EYA1: variants seen among roughly 807,000 people sequenced by gnomAD.
EYA1 encodes the protein EYA transcriptional coactivator and phosphatase 1.
Under a neutral mutation model 82.0 loss-of-function variants are expected in EYA1, and 16 were observed. The ratio of observed to expected loss-of-function variants is 0.20; its 90% CI spans 0.13 to 0.30. The LOEUF is 0.30. EYA1 is among the 10% of genes least tolerant of loss of function. The pLI is 1.00. For missense variants in EYA1, 633 were observed against 730.7 expected, an observed-to-expected ratio of 0.87 and a Z score of 1.54; for synonymous variants, 261 against 264.4, an observed-to-expected ratio of 0.99 and a Z score of 0.12.
chr8:71,357,774 T>C (rs956492096), intron 1 of EYA1, among the ~76,000 whole-genome samples: 34 of 152,216 alleles, frequency 2.2e-4, no homozygotes, highest in African/African-American at 8.2e-4. Context: ...GGTATGTTTC[T>C]ACAATACGTG....
Position 71,271,886 on chromosome 8 carries a change from T to G in EYA1, c.838A>C (p.Ile280Leu). The G allele has an allele frequency of 6.2e-7, 1 of 1,614,188 alleles. No individual in the cohort carries two copies. Among genetic ancestry groups the G allele is most frequent in the Non-Finnish European group, 8.5e-7 (1 of 1,180,034 alleles). The stretch of plus-strand genomic sequence containing the variant: ...TTAATGGGTGTTGATGGGCTGTGGA[T>G]TGTGCTGTACTCTGCAGGAATATAG... ...VTDPTAEYST[I>L]HSPSTPIKDS... is the part of the protein sequence containing the mutation. Residue 280 changes from isoleucine to leucine, a missense_variant, in exon 10 of 18, where the codon ATC becomes CTC. Transcript: ENST00000340726.
chr8:71,458,770 A>G (rs753785338), intron 2 of EYA1, among the ~76,000 whole-genome samples: 2 of 152,174 alleles, frequency 1.3e-5, no homozygotes, highest in Admixed American at 6.5e-5. Flanking sequence ...CCTGAGTCCA[A>G]TTTTGTACAC....
At chr8:71,457,225 C>T (rs1808005320) in intron 2 of EYA1, among the ~76,000 whole-genome samples, 1 of 152,262 alleles carries the variant, frequency 6.6e-6, no homozygotes, top group Middle Eastern at 3.4e-3. Context: ...CATCTCACAC[C>T]GTCTAGAATG....
intron 2 of EYA1, among the ~76,000 whole-genome samples, chr8:71,453,417 G>C (rs922388350): frequency 6.6e-6 from 1 of 152,108 alleles, no homozygotes; most frequent in Admixed American, 6.5e-5. Context: ...GAAATACAGA[G>C]AACGCCACAA....
rs759999687 is a variant in EYA1, at chr8:71,303,530, G to A, written c.557-3810C>T. ...AGTGCAAAATATAATAACAATACTA[G>A]AGGTGTACATACTAGAGAAGCAGGC... On this transcript the variant is annotated intron_variant, in intron 7 of 17. Transcript: ENST00000340726. Among the ~76,000 whole-genome samples the A allele has an allele frequency of 4.3e-5, 6 of 138,728 alleles. 1 individual carries two copies. The highest frequency in any genetic ancestry group is 7.7e-5 in the African/African-American group (3 of 39,214). The allele number at this position is 138,728 out of a possible 152,430, so 91.0% of individuals were successfully genotyped here. A position where few individuals can be genotyped will look rare whatever the true frequency, so the allele number is the denominator to read the frequency against.
intron 17 of EYA1, among the ~76,000 whole-genome samples, chr8:71,206,849 G>A (rs547462052): frequency 2.0e-5 from 3 of 152,014 alleles, no homozygotes; most frequent in Non-Finnish European, 4.4e-5. Context: ...TTGACCTCCT[G>A]GGCTCCAGTG....
chr8:71,434,371 T>G (rs1299879755), intron 2 of EYA1, among the ~76,000 whole-genome samples: 1 of 152,178 alleles, frequency 6.6e-6, no homozygotes, highest in Non-Finnish European at 1.5e-5. Context: ...TCTGTAAACC[T>G]GTCACTCAAA....
At chr8:71,291,472 C>T (rs929470102) in intron 9 of EYA1, among the ~76,000 whole-genome samples, 1 of 152,156 alleles carries the variant, frequency 6.6e-6, no homozygotes, top group African/African-American at 2.4e-5. Flanking sequence ...GTGATCAGCA[C>T]ACGTGAAGGT....
chr8:71,251,021 C>G (rs910533150), intron 11 of EYA1, among the ~76,000 whole-genome samples: 26 of 152,160 alleles, frequency 1.7e-4, no homozygotes, highest in African/African-American at 6.3e-4. Flanking sequence ...TAGTATTAAA[C>G]ATTAAACGTG....
Position 71,216,803 on chromosome 8 carries a change from TAGCACTGGTTGCTGC to T in EYA1, c.1234_1248del (p.Ala412_Ala416del). On this transcript the variant is annotated inframe_deletion, in exon 14 of 18. Transcript: ENST00000340726. ...CGTACACCAGTTGCCAAACATAAGTTAGCACTGGTTGCTGCAGCAGGAAAGCCATCTGTTCCAAAG... is the reference window on the plus strand; with the variant it reads ...CGTACACCAGTTGCCAAACATAAGTTAGCAGGAAAGCCATCTGTTCCAAAG... The T allele has an allele frequency of 6.2e-7, 1 of 1,614,136 alleles. No homozygotes were observed. Among genetic ancestry groups the T allele is most frequent in the Non-Finnish European group, 8.5e-7 (1 of 1,179,984 alleles).
At chr8:71,411,817 G>A (rs1830606261) in intron 2 of EYA1, among the ~76,000 whole-genome samples, 1 of 146,446 alleles carries the variant, frequency 6.8e-6, no homozygotes, top group African/African-American at 2.6e-5. Context: ...GGAAGTCAGT[G>A]TGGCGATTCC....
intron 2 of EYA1, among the ~76,000 whole-genome samples, chr8:71,459,984 T>C (rs1188315676): frequency 6.6e-6 from 1 of 152,202 alleles, no homozygotes; most frequent in African/African-American, 2.4e-5. Flanking sequence ...TTTAAGTAAT[T>C]TTCATCACAT....
intron 11 of EYA1, among the ~76,000 whole-genome samples, chr8:71,254,760 G>A (rs1179255376): frequency 1.3e-5 from 2 of 152,094 alleles, no homozygotes; most frequent in Non-Finnish European, 2.9e-5. Context: ...AGGCGTCAAA[G>A]TTGTAAAAGA....
At chr8:71,287,318 G>A (rs532513305) in intron 9 of EYA1, among the ~76,000 whole-genome samples, 1 of 152,286 alleles carries the variant, frequency 6.6e-6, no homozygotes, top group East Asian at 1.9e-4. Context: ...TTGTTGACTA[G>A]CCTTATAGGG....
intron 2 of EYA1, among the ~76,000 whole-genome samples, chr8:71,445,873 T>C (rs1457689567): frequency 6.6e-6 from 1 of 152,120 alleles, no homozygotes; most frequent in African/African-American, 2.4e-5. Flanking sequence ...TTTTCATAAA[T>C]TAACAAAGGT....
chr8:71,547,340 C>A (rs977794158), intron 1 of EYA1, among the ~76,000 whole-genome samples: 3 of 152,190 alleles, frequency 2.0e-5, no homozygotes, highest in Non-Finnish European at 4.4e-5. Flanking sequence ...CGTCCCCCGA[C>A]GTCCCAATCA....
intron 2 of EYA1, among the ~76,000 whole-genome samples, chr8:71,530,221 T>A (rs1028422244): frequency 6.6e-6 from 1 of 152,102 alleles, no homozygotes; most frequent in African/African-American, 2.4e-5. Flanking sequence ...TGTGACAATA[T>A]AGGCAGAGAT....
intron 2 of EYA1, among the ~76,000 whole-genome samples, chr8:71,531,650 T>TG (rs1371171716): frequency 1.3e-5 from 2 of 152,204 alleles, no homozygotes; most frequent in African/African-American, 2.4e-5. Flanking sequence ...TTGATGCTTG[T>TG]GTTTCCAGTG....
intron 4 of EYA1, among the ~76,000 whole-genome samples, chr8:71,322,812 C>T (rs989704577): frequency 2.0e-5 from 3 of 152,130 alleles, no homozygotes; most frequent in Non-Finnish European, 4.4e-5. Flanking sequence ...AGTAAAAATG[C>T]GTTCCTATAA....
Sources: allele counts gnomAD v4.1 joint callset (sites outside exome capture counted in the v4.1 genomes callset), GRCh38; gene constraint gnomAD v4.1.1; transcripts MANE v1.5; gene names NCBI Gene and HGNC (gene_info 2026-07-23, HGNC 2026-07-21).